The following TLK1 variants were observed in gnomAD, a reference collection of about 807,000 sequenced individuals.
TLK1 encodes the protein tousled like kinase 1, also known as serine/threonine-protein kinase tousled-like 1.
Under a neutral mutation model 105.3 loss-of-function variants are expected in TLK1, and 24 were observed. The observed-to-expected ratio is 0.23, with a 90% CI of 0.17 to 0.32. The LOEUF (loss-of-function observed/expected upper bound fraction) is 0.32. Among genes scored for constraint, TLK1 ranks in the 10% least tolerant of loss-of-function variants. The pLI is 1.00. For missense variants in TLK1, 558 were observed against 910.5 expected (o/e 0.61, Z 4.98); for synonymous variants, 321 against 310.4 (o/e 1.03, Z -0.36).
At chr2:171,212,159 G>C (rs1428052016) in intron 1 of TLK1, among the ~76,000 whole-genome samples, 1 of 152,102 alleles carries the variant, frequency 6.6e-6, no homozygotes, top group Non-Finnish European at 1.5e-5. Flanking sequence ...TTTAAAGCTT[G>C]TCTAACAAGC....
At position 171,006,595 on chromosome 2, in the gene TLK1, A is replaced by G; in HGVS notation, c.1647T>C (p.Tyr549=). Residue 549 remains tyrosine, a synonymous_variant, in exon 17 of 21, where the codon TAT becomes TAC. Transcript: ENST00000431350. ...CTGACATTAACTTGTGTTGCTTCAG[A>G]TAGAAATCCAAGTCATTGCCTTCAC... ...EYCEGNDLDF[Y]LKQHKLMSEK... is the part of the protein sequence containing the mutation. The G allele has an allele frequency of 6.2e-7, 1 of 1,613,072 alleles. No individual in the cohort carries two copies. The highest frequency in any genetic ancestry group is 1.7e-5 in the Admixed American group (1 of 60,026).
At chr2:171,065,986 A>G (rs1354685691) in intron 3 of TLK1, among the ~76,000 whole-genome samples, 6 of 152,224 alleles carry the variant, frequency 3.9e-5, no homozygotes, top group African/African-American at 1.4e-4. Flanking sequence ...GTTGAACTAG[A>G]TGTGAGACAG....
Position 170,992,805 on chromosome 2 carries a change from A to G in TLK1, c.*975T>C, listed in dbSNP as rs1683840820. The G allele has an allele frequency of 2.6e-5, 4 of 152,636 alleles. No individual in the cohort carries two copies. The highest frequency in any genetic ancestry group is 2.6e-4 in the Admixed American group (4 of 15,276). The allele number at this position is 152,636 out of a possible 1,614,324, so 9.5% of individuals were successfully genotyped here. A position where few individuals can be genotyped will look rare whatever the true frequency, so the allele number is the denominator to read the frequency against. ...CTTCAAGAAGACTTAAAAAAAATAC[A>G]ATATCCAATTAGAAAAGCCATATTT... On this transcript the variant is annotated 3_prime_UTR_variant, in exon 21 of 21. Transcript: ENST00000431350.
At chr2:171,148,245 GTTTT>G (rs970107802) in intron 1 of TLK1, among the ~76,000 whole-genome samples, 2 of 152,036 alleles carry the variant, frequency 1.3e-5, no homozygotes, top group Non-Finnish European at 2.9e-5. Flanking sequence ...CCTATATTGT[GTTTT>G]TTTGTGTGTT....
At position 171,016,560 on chromosome 2, in the gene TLK1, T is replaced by C. The variant is rs115877960; in HGVS notation, c.1237-1612A>G. Among the ~76,000 whole-genome samples, 1,356 of 152,364 alleles carry C rather than the reference T, an allele frequency of 8.9e-3. 28 individuals are homozygous for C. The highest frequency in any genetic ancestry group is 0.031 in the African/African-American group (1,278 of 41,576). On this transcript the variant is annotated intron_variant, in intron 12 of 20. Coordinates refer to ENST00000431350, the MANE Select transcript of TLK1 (RefSeq NM_012290.5). The stretch of plus-strand genomic sequence containing the variant: ...GTTTTTTCTGAATAATGCATTTAAA[T>C]ATTTCATCAGCTCCTTTGCTTCTTT...
intron 10 of TLK1, among the ~76,000 whole-genome samples, chr2:171,047,729 T>G (rs1687026602): frequency 6.6e-6 from 1 of 152,198 alleles, no homozygotes; most frequent in Non-Finnish European, 1.5e-5. Flanking sequence ...ATTAAAATAT[T>G]AATGGAAAGT....
intron 1 of TLK1, among the ~76,000 whole-genome samples, chr2:171,209,196 T>C (rs1693563499): frequency 6.6e-6 from 1 of 152,238 alleles, no homozygotes; most frequent in Non-Finnish European, 1.5e-5. Context: ...TATTTGCATT[T>C]GCTTTTATTT....
At chr2:171,106,992 C>A (rs892357987) in intron 2 of TLK1, among the ~76,000 whole-genome samples, 5 of 152,192 alleles carry the variant, frequency 3.3e-5, no homozygotes, top group African/African-American at 1.2e-4. Flanking sequence ...CAGATTCACA[C>A]ATTACATCTG....
At chr2:171,171,724 C>T (rs1466429811) in intron 1 of TLK1, among the ~76,000 whole-genome samples, 3 of 152,016 alleles carry the variant, frequency 2.0e-5, no homozygotes, top group Non-Finnish European at 2.9e-5. Context: ...TATCTTTAGT[C>T]AACAACAGCA....
chr2:171,168,496 C>T (rs1248348063), intron 1 of TLK1, among the ~76,000 whole-genome samples: 2 of 152,108 alleles, frequency 1.3e-5, no homozygotes, highest in Non-Finnish European at 2.9e-5. Flanking sequence ...GTATTCAGGG[C>T]GCTGTGGCTC....
chr2:171,006,343 C>T (rs909989351), intron 17 of TLK1, 61 bp from the exon 18 acceptor site: 7 of 1,493,580 alleles, frequency 4.7e-6, no homozygotes, highest in African/African-American at 2.8e-5. Context: ...ACTTTAATAA[C>T]TTTTAATTTT....
intron 1 of TLK1, among the ~76,000 whole-genome samples, chr2:171,204,618 G>A (rs962003489): frequency 1.3e-5 from 2 of 151,848 alleles, no homozygotes; most frequent in South Asian, 2.1e-4. Flanking sequence ...AAATCTGTGA[G>A]TCTGTAAGCC....
chr2:171,080,172 G>A lies in TLK1; in HGVS notation c.330+2609C>T, dbSNP rs188108047. 2.2e-3 allele frequency among the ~76,000 whole-genome samples: 330 copies of A among 149,914 alleles called. 1 individual carries two copies. Among genetic ancestry groups the A allele is most frequent in the Admixed American group, 5.3e-3 (79 of 15,012 alleles). On this transcript the variant is annotated intron_variant, in intron 3 of 20. Coordinates refer to ENST00000431350, the MANE Select transcript of TLK1 (RefSeq NM_012290.5). ...AGATCGCACCACTACACTCCAGCCCGGGCAAAAGAGTGAGACTCCATCTCA... is the reference window on the plus strand; with the variant it reads ...AGATCGCACCACTACACTCCAGCCCAGGCAAAAGAGTGAGACTCCATCTCA...
At position 171,178,089 on chromosome 2, in the gene TLK1, C is replaced by T. The variant is rs573690873; in HGVS notation, c.-6+53056G>A. Reference sequence around the variant, plus strand: ...CTGGGATTACAGGCATGAGCCACTGCACCTGGCCTTGCATTTTTGAATGCT... The same window carrying T: ...CTGGGATTACAGGCATGAGCCACTGTACCTGGCCTTGCATTTTTGAATGCT... On this transcript the variant is annotated intron_variant, in intron 1 of 20. Transcript: ENST00000521943. Among the ~76,000 whole-genome samples, 22 of 152,340 alleles carry T rather than the reference C, an allele frequency of 1.4e-4. 2 individuals are homozygous for T. The highest frequency in any genetic ancestry group is 4.8e-4 in the African/African-American group (20 of 41,590).
At chr2:171,144,130 A>G (rs547907182) in intron 1 of TLK1, among the ~76,000 whole-genome samples, 49 of 151,530 alleles carry the variant, frequency 3.2e-4, no homozygotes, top group Admixed American at 2.6e-3. Context: ...TTAGGAAGAT[A>G]TAAGAATTCT....
At chr2:171,220,868 A>G (rs115056292) in intron 1 of TLK1, among the ~76,000 whole-genome samples, 1 of 152,010 alleles carries the variant, frequency 6.6e-6, no homozygotes, top group Non-Finnish European at 1.5e-5. Flanking sequence ...CATCCTACCC[A>G]CATATTTAAA....
At chr2:171,186,327 G>A (rs1026582051) in intron 1 of TLK1, among the ~76,000 whole-genome samples, 13 of 152,172 alleles carry the variant, frequency 8.5e-5, no homozygotes, top group African/African-American at 3.1e-4. Flanking sequence ...ACATGGAAGC[G>A]ACACATTTAA....
intron 11 of TLK1, among the ~76,000 whole-genome samples, chr2:171,037,205 G>T (rs1371387261): frequency 6.6e-6 from 1 of 152,084 alleles, no homozygotes; most frequent in African/African-American, 2.4e-5. Flanking sequence ...ACTTTGGGAG[G>T]CTGAGGTGGG....
At position 171,137,726 on chromosome 2, in the gene TLK1, G is replaced by A. The variant is rs191714250; in HGVS notation, c.140-19869C>T. On this transcript the variant is annotated intron_variant, in intron 1 of 20. Coordinates refer to ENST00000431350, the MANE Select transcript of TLK1 (RefSeq NM_012290.5). ...TAGCCGGGTGTGGCAGCGTGTGCCTGTAGTCCCAGCTACTCGGGAGGCTGA... is the reference window on the plus strand; with the variant it reads ...TAGCCGGGTGTGGCAGCGTGTGCCTATAGTCCCAGCTACTCGGGAGGCTGA... 2.3e-3 allele frequency among the ~76,000 whole-genome samples: 350 copies of A among 152,064 alleles called. 4 individuals are homozygous for A. Among genetic ancestry groups the A allele is most frequent in the African/African-American group, 7.2e-3 (297 of 41,456 alleles).
Sources: gnomAD v4.1 joint callset for allele counts (sites outside exome capture counted in the v4.1 genomes callset) on GRCh38, gnomAD v4.1.1 for gene constraint, MANE v1.5 for transcripts, NCBI Gene and HGNC (gene_info 2026-07-23, HGNC 2026-07-21) for gene names.